Variants in PRR14L observed in about 807,000 individuals in gnomAD.
The protein encoded by PRR14L is proline rich 14 like, also known as protein PRR14L.
PRR14L carries 80 observed loss-of-function variants against 155.0 expected under a neutral mutation model. That is an observed-to-expected ratio of 0.52 (90% CI 0.43 to 0.62). The LOEUF is 0.62. PRR14L is among the 20% of genes least tolerant of loss of function. The probability of loss-of-function intolerance (pLI) is 0.00; values close to 1 mark genes in which losing one functional copy is unlikely to be tolerated. For missense variants in PRR14L, 2,469 were observed against 2,548.0 expected (o/e 0.97, Z 0.67); for synonymous variants, 883 against 916.0 (o/e 0.96, Z 0.65).
At chr22:31,689,757 A>AT (rs1444464460) in intron 7 of PRR14L, among the ~76,000 whole-genome samples, 1 of 151,192 alleles carries the variant, frequency 6.6e-6, no homozygotes, top group East Asian at 2.0e-4. Flanking sequence ...TTATTTATTT[A>AT]TTTTTTGAGA....
chr22:31,743,143 A>C (rs1419405508), intron 1 of PRR14L, among the ~76,000 whole-genome samples: 1 of 152,164 alleles, frequency 6.6e-6, no homozygotes, highest in Non-Finnish European at 1.5e-5. Context: ...TCTACTAAAA[A>C]TACAAAAAAT....
At chr22:31,692,005 T>A (rs1465463193) in intron 7 of PRR14L, among the ~76,000 whole-genome samples, 1 of 152,014 alleles carries the variant, frequency 6.6e-6, no homozygotes, top group East Asian at 1.9e-4. Context: ...TTAGTTGGGA[T>A]TACAGGCACG....
In PRR14L at chr22:31,685,387, G is replaced by GACTGT. The variant is rs760981829; in HGVS notation, c.*135_*139dup. On this transcript the variant is annotated 3_prime_UTR_variant, in exon 9 of 9. Transcript: ENST00000327423. ...ACCTTGAAATAGGTAAAAATTCATG[G>GACTGT]ACTGTGCATTTTTGAGTGGTTTGGC... 1.5e-6 allele frequency: 1 copy of GACTGT among 678,064 alleles called. No homozygotes were observed. The highest frequency in any genetic ancestry group is 2.4e-6 in the Non-Finnish European group (1 of 409,704). 42.0% of individuals were successfully genotyped at this position (678,064 alleles called of 1,614,324 possible). A position where few individuals can be genotyped will look rare whatever the true frequency, so the allele number is the denominator to read the frequency against.
intron 2 of PRR14L, among the ~76,000 whole-genome samples, chr22:31,737,848 A>G (rs945466520): frequency 6.6e-6 from 1 of 152,022 alleles, no homozygotes; most frequent in Non-Finnish European, 1.5e-5. Context: ...CCCCGTCTCT[A>G]CTAAAAACAC....
At position 31,745,804 on chromosome 22, in the gene PRR14L, G is replaced by A. The variant is rs972181789; in HGVS notation, c.-52+4189C>T. Among the ~76,000 whole-genome samples, 4 of 149,470 alleles carry A rather than the reference G, an allele frequency of 2.7e-5. No individual in the cohort carries two copies. In the South Asian group the frequency reaches 6.3e-4, roughly 24 times the overall value. ...AGAGGTTGCAGCGAGCAGAGATCGC[G>A]CCATTGCACTTCAGCCTGGGTGAGA... On this transcript the variant is annotated intron_variant, in intron 1 of 8. Coordinates refer to ENST00000327423, the MANE Select transcript of PRR14L (RefSeq NM_173566.3).
intron 7 of PRR14L, among the ~76,000 whole-genome samples, chr22:31,690,408 C>T (rs566878382): frequency 6.5e-4 from 99 of 152,222 alleles, no homozygotes; most frequent in African/African-American, 2.3e-3. Context: ...TGGTCTTGAA[C>T]TCCTGATCTC....
intron 7 of PRR14L, among the ~76,000 whole-genome samples, chr22:31,693,276 G>A (rs1405492901): frequency 2.0e-5 from 3 of 152,130 alleles, no homozygotes; most frequent in African/African-American, 7.2e-5. Flanking sequence ...AACACTTGGT[G>A]ACTTCTGTCT....
At chr22:31,730,438 C>A (rs953922626) in intron 2 of PRR14L, among the ~76,000 whole-genome samples, 2 of 151,882 alleles carry the variant, frequency 1.3e-5, no homozygotes, top group Non-Finnish European at 2.9e-5. Context: ...AGCGAGACTC[C>A]GTCTCAAAAA....
At chr22:31,730,730 T>C (rs1196545845) in intron 2 of PRR14L, among the ~76,000 whole-genome samples, 2 of 152,240 alleles carry the variant, frequency 1.3e-5, no homozygotes, top group Non-Finnish European at 2.9e-5. Context: ...CAACCATTAA[T>C]GATTCCTGCT....
At chr22:31,738,015 A>T (rs2074791713) in intron 2 of PRR14L, among the ~76,000 whole-genome samples, 1 of 151,782 alleles carries the variant, frequency 6.6e-6, no homozygotes, top group Non-Finnish European at 1.5e-5. Flanking sequence ...ACCTTCTTAA[A>T]AAAAAAAAAA....
rs1334191116 is a variant in PRR14L at position 31,682,609 on chromosome 22, C to A, written c.*2918G>T. 1 of 152,010 alleles carries A rather than the reference C, an allele frequency of 6.6e-6. No homozygotes were observed. The highest frequency in any genetic ancestry group is 6.6e-5 in the Admixed American group (1 of 15,228). 9.4% of individuals were successfully genotyped at this position (152,010 alleles called of 1,614,324 possible). On this transcript the variant is annotated 3_prime_UTR_variant, in exon 9 of 9. Coordinates refer to ENST00000327423, the MANE Select transcript of PRR14L (RefSeq NM_173566.3). ...GAAAGATGGAAAAAAAAACAAAAAA[C>A]AAAACACAGTTGAAAGTTTCAGTGA...
At chr22:31,686,921 A>C (rs958984973) in intron 8 of PRR14L, among the ~76,000 whole-genome samples, 1 of 152,234 alleles carries the variant, frequency 6.6e-6, no homozygotes, top group South Asian at 2.1e-4. Context: ...TTCAGACCTA[A>C]GTGAAACTCT....
At chr22:31,696,253 G>A (rs1054928676) in intron 7 of PRR14L, among the ~76,000 whole-genome samples, 17 of 151,490 alleles carry the variant, frequency 1.1e-4, no homozygotes, top group East Asian at 9.7e-4. Flanking sequence ...GCGATTCTCC[G>A]GCCTCAGCCT....
Position 31,685,289 on chromosome 22 carries a change from G to A in PRR14L, c.*238C>T. 4.6e-6 allele frequency: 2 copies of A among 430,744 alleles called. No homozygotes were observed. The highest frequency in any genetic ancestry group is 8.2e-6 in the Non-Finnish European group (2 of 242,998). 26.7% of individuals were successfully genotyped at this position (430,744 alleles called of 1,614,324 possible). ...GTTCAGGTCCATTTCCAGGAGAAAG[G>A]GAGCATTCCTGAGGTTCTATACTCA... On this transcript the variant is annotated 3_prime_UTR_variant, in exon 9 of 9. Coordinates refer to ENST00000327423, the MANE Select transcript of PRR14L (RefSeq NM_173566.3).
chr22:31,697,301 CAA>C (rs35748258), intron 7 of PRR14L, among the ~76,000 whole-genome samples: 18 of 58,598 alleles, frequency 3.1e-4, no homozygotes, highest in Non-Finnish European at 3.3e-4. Context: ...TACTCTGTCT[CAA>C]AAAAAAAAAA....
chr22:31,710,531 C>T (rs894265597), intron 4 of PRR14L, among the ~76,000 whole-genome samples: 1 of 151,410 alleles, frequency 6.6e-6, no homozygotes, highest in Admixed American at 6.6e-5. Flanking sequence ...CGGCTCACTG[C>T]AAGTTCTGCC....
chr22:31,685,450 C>CAAAAAAAAAAAAAAAACCCAAAAAAA lies in PRR14L; in HGVS notation c.*76_*77insTTTTTTTGGGTTTTTTTTTTTTTTTT. 9.0e-7 allele frequency: 1 copy of CAAAAAAAAAAAAAAAACCCAAAAAAA among 1,105,836 alleles called. No homozygotes were observed. 68.5% of individuals were successfully genotyped at this position (1,105,836 alleles called of 1,614,324 possible). A position where few individuals can be genotyped will look rare whatever the true frequency, so the allele number is the denominator to read the frequency against. ...TTAGGCAACCTTTTCCAAGGAGGTCCAAAAAAAAAAAAAAAACCCAAAAAC... is the reference window on the plus strand; with the variant it reads ...TTAGGCAACCTTTTCCAAGGAGGTCCAAAAAAAAAAAAAAAACCCAAAAAAAAAAAAAAAAAAAAAAACCCAAAAAC... On this transcript the variant is annotated 3_prime_UTR_variant, in exon 9 of 9. Coordinates refer to ENST00000327423, the MANE Select transcript of PRR14L (RefSeq NM_173566.3).
intron 3 of PRR14L, among the ~76,000 whole-genome samples, chr22:31,724,732 C>T (rs922399180): frequency 8.5e-5 from 13 of 152,150 alleles, no homozygotes; most frequent in African/African-American, 3.1e-4. Flanking sequence ...ACATAGACCT[C>T]TCTAAAGTAA....
rs1049583437 is a variant in PRR14L, at chr22:31,706,149, C to T, written c.5757-1423G>A. ...GAATTCAAGACCAGCCTGGCCAACA[C>T]GATGAAACCCTGTCTCTACAAAAAT... is the stretch of plus-strand genomic sequence containing the variant. On this transcript the variant is annotated intron_variant, in intron 4 of 8. Transcript: ENST00000327423. Among the ~76,000 whole-genome samples, 4 of 151,816 alleles carry T rather than the reference C, an allele frequency of 2.6e-5. No homozygotes were observed. The East Asian group carries it at 5.9e-4, about 22-fold the overall frequency.
Sources: gnomAD v4.1 joint callset for allele counts (sites outside exome capture counted in the v4.1 genomes callset) on GRCh38, gnomAD v4.1.1 for gene constraint, MANE v1.5 for transcripts, NCBI Gene and HGNC (gene_info 2026-07-23, HGNC 2026-07-21) for gene names.